SDK1: variants seen among roughly 807,000 people sequenced by gnomAD.
SDK1 encodes protein sidekick-1.
Under a neutral mutation model 245.5 loss-of-function variants are expected in SDK1, and 157 were observed. The observed-to-expected ratio is 0.64, with a 90% CI of 0.56 to 0.73. The LOEUF (loss-of-function observed/expected upper bound fraction) is 0.73, where lower values mean the gene tolerates loss of function less well. Ranked by LOEUF, SDK1 falls within the 30% of genes least tolerant of loss-of-function variation. The pLI is 0.00. For missense variants in SDK1, 3,583 were observed against 3,002.3 expected, an observed-to-expected ratio of 1.19 and a Z score of -4.52; for synonymous variants, 1,647 against 1,278.5, an observed-to-expected ratio of 1.29 and a Z score of -6.15.
At chr7:3,614,185 C>A (rs914262033) in intron 1 of SDK1, among the ~76,000 whole-genome samples, 5 of 152,172 alleles carry the variant, frequency 3.3e-5, no homozygotes, top group African/African-American at 1.2e-4. Flanking sequence ...GTCCTTTGGG[C>A]AGACCTTAAA....
At chr7:4,100,597 G>A (rs1216583878) in intron 22 of SDK1, among the ~76,000 whole-genome samples, 1 of 152,150 alleles carries the variant, frequency 6.6e-6, no homozygotes, top group Non-Finnish European at 1.5e-5. Flanking sequence ...ACCACGTGAG[G>A]ACACAGGGGC....
intron 22 of SDK1, among the ~76,000 whole-genome samples, chr7:4,103,971 G>A (rs563754467): frequency 6.6e-6 from 1 of 152,278 alleles, no homozygotes; most frequent in Non-Finnish European, 1.5e-5. Context: ...AGTGACAGTG[G>A]CTGTGTTCCA....
At chr7:3,484,427 C>T (rs775427174) in intron 1 of SDK1, among the ~76,000 whole-genome samples, 2 of 152,176 alleles carry the variant, frequency 1.3e-5, no homozygotes, top group Non-Finnish European at 2.9e-5. Flanking sequence ...TTTCGGTAAA[C>T]ATGAGGGTCC....
chr7:4,090,257 C>T (rs1046129667), intron 22 of SDK1, among the ~76,000 whole-genome samples: 7 of 152,150 alleles, frequency 4.6e-5, no homozygotes, highest in African/African-American at 1.7e-4. Context: ...CTTTAAAAAC[C>T]TCATTTCTCT....
chr7:3,371,664 T>A (rs1025449062), intron 1 of SDK1, among the ~76,000 whole-genome samples: 5 of 152,044 alleles, frequency 3.3e-5, no homozygotes, highest in Non-Finnish European at 7.4e-5. Flanking sequence ...GATGGCAAAC[T>A]TGGACACTCT....
At chr7:3,918,335 C>A (rs1207619173) in intron 5 of SDK1, among the ~76,000 whole-genome samples, 2 of 152,244 alleles carry the variant, frequency 1.3e-5, no homozygotes, top group African/African-American at 4.8e-5. Flanking sequence ...GCTCCCATCG[C>A]TGGCATTACC....
At chr7:3,327,995 G>C (rs1015421770) in intron 1 of SDK1, among the ~76,000 whole-genome samples, 2 of 152,186 alleles carry the variant, frequency 1.3e-5, no homozygotes, top group South Asian at 2.1e-4. Context: ...TGCTTTTCCT[G>C]TTTGTCCCTC....
At chr7:3,475,426 G>A (rs1463713297) in intron 1 of SDK1, among the ~76,000 whole-genome samples, 1 of 152,148 alleles carries the variant, frequency 6.6e-6, no homozygotes, top group Non-Finnish European at 1.5e-5. Flanking sequence ...CCAGAGCAGC[G>A]TTTCCACCCT....
In SDK1 at chr7:4,262,018, C is replaced by CTTTTTTT. The variant is rs34610558; in HGVS notation, c.6382-3083_6382-3077dup. ...AATCAATTTCACCCTCTGCTTTCTC[C>CTTTTTTT]TTTTTTTTTTTTTTTTTTTTTTTTT... On this transcript the variant is annotated intron_variant, in intron 44 of 44. Transcript: ENST00000404826. 1.1e-3 allele frequency among the ~76,000 whole-genome samples: 65 copies of CTTTTTTT among 59,252 alleles called. 7 individuals are homozygous for CTTTTTTT. Among genetic ancestry groups the CTTTTTTT allele is most frequent in the African/African-American group, 2.1e-3 (22 of 10,538 alleles). The allele number at this position is 59,252 out of a possible 152,430, so 38.9% of individuals were successfully genotyped here. A position where few individuals can be genotyped will look rare whatever the true frequency, so the allele number is the denominator to read the frequency against.
chr7:3,303,955 A>T (rs1309372960), intron 1 of SDK1, among the ~76,000 whole-genome samples: 1 of 152,190 alleles, frequency 6.6e-6, no homozygotes, highest in Admixed American at 6.5e-5. Flanking sequence ...ACTACGTTGG[A>T]GCGCCTCCTA....
At position 3,987,245 on chromosome 7, in the gene SDK1, C is replaced by G. The variant is rs763633055; in HGVS notation, c.2054C>G (p.Ala685Gly). 6.2e-7 allele frequency: 1 copy of G among 1,614,074 alleles called. No individual in the cohort carries two copies. The highest frequency in any genetic ancestry group is 1.6e-4 in the Middle Eastern group (1 of 6,062). ...AGCCCTAATTCTTCCCACAGCCACGCCGTGGTGCTCTCTTGGGTCCGGCCC... is the reference window on the plus strand; with the variant it reads ...AGCCCTAATTCTTCCCACAGCCACGGCGTGGTGCTCTCTTGGGTCCGGCCC... ...LVSPNSSHSH[A>G]VVLSWVRPFD... The change falls in exon 14 of 45, where the codon GCC (alanine) becomes GGC (glycine). Residue 685 changes from alanine (A) to glycine (G), a missense_variant. Coordinates refer to ENST00000404826, the MANE Select transcript of SDK1 (RefSeq NM_152744.4).
At chr7:3,667,726 C>G (rs1783577871) in intron 4 of SDK1, among the ~76,000 whole-genome samples, 1 of 152,194 alleles carries the variant, frequency 6.6e-6, no homozygotes, top group Admixed American at 6.5e-5. Flanking sequence ...TGGCTTGTTT[C>G]AGTTCTCGTA....
intron 4 of SDK1, among the ~76,000 whole-genome samples, chr7:3,700,354 G>T (rs1472538978): frequency 6.6e-6 from 1 of 152,182 alleles, no homozygotes; most frequent in African/African-American, 2.4e-5. Context: ...GTTGGTTGAT[G>T]TAAAAAGTAT....
chr7:3,838,816 A>G (rs529511129), intron 5 of SDK1, among the ~76,000 whole-genome samples: 1 of 150,234 alleles, frequency 6.7e-6, no homozygotes, highest in South Asian at 2.1e-4. Flanking sequence ...TGTCTTTCTT[A>G]TAGTAGAGAA....
chr7:3,429,138 G>T (rs939593944), intron 1 of SDK1, among the ~76,000 whole-genome samples: 2 of 152,130 alleles, frequency 1.3e-5, no homozygotes, highest in African/African-American at 4.8e-5. Flanking sequence ...GCTCAGTTTG[G>T]AGCATCTAAA....
At chr7:3,372,073 G>C (rs190476937) in intron 1 of SDK1, among the ~76,000 whole-genome samples, 2 of 152,316 alleles carry the variant, frequency 1.3e-5, no homozygotes, top group East Asian at 3.9e-4. Flanking sequence ...AGGCTATTCA[G>C]ATGTAAAACA....
chr7:3,802,127 C>T (rs1779122338), intron 4 of SDK1, among the ~76,000 whole-genome samples: 1 of 152,152 alleles, frequency 6.6e-6, no homozygotes, highest in Non-Finnish European at 1.5e-5. Context: ...ATATTTTATA[C>T]CACTGTAGTG....
rs182434486 is a variant in SDK1, at chr7:3,776,264, G to A, written c.714-45186G>A. ...GACATTGTCAATTTGGTGTGCAAAG[G>A]ACAATCATAGATGTGTATGCAAAGG... On this transcript the variant is annotated intron_variant, in intron 4 of 44. Coordinates refer to ENST00000404826, the MANE Select transcript of SDK1 (RefSeq NM_152744.4). Among the ~76,000 whole-genome samples, 919 of 152,324 alleles carry A rather than the reference G, an allele frequency of 6.0e-3. 13 individuals are homozygous for A. The highest frequency in any genetic ancestry group is 0.02 in the African/African-American group (849 of 41,564).
At chr7:4,093,538 G>A (rs1375184720) in intron 22 of SDK1, among the ~76,000 whole-genome samples, 1 of 150,844 alleles carries the variant, frequency 6.6e-6, no homozygotes, top group Non-Finnish European at 1.5e-5. Flanking sequence ...AGAAGAAACT[G>A]TTTTAGAAAG....
Sources: allele counts gnomAD v4.1 joint callset (sites outside exome capture counted in the v4.1 genomes callset), GRCh38; gene constraint gnomAD v4.1.1; transcripts MANE v1.5; gene names NCBI Gene and HGNC (gene_info 2026-07-23, HGNC 2026-07-21).